Variants in NUP210 observed in about 807,000 individuals in gnomAD.
The protein encoded by NUP210 is nuclear pore membrane glycoprotein 210.
In NUP210, 151 loss-of-function variants were observed where a neutral mutation model predicts 196.0. That is an observed-to-expected ratio of 0.77 (90% CI 0.67 to 0.88). NUP210 has a LOEUF of 0.88. NUP210 is among the 40% of genes least tolerant of loss of function. The pLI is 0.00. For missense variants in NUP210, 2,314 were observed against 2,493.7 expected (o/e 0.93, Z 1.53); for synonymous variants, 1,070 against 1,052.7 (o/e 1.02, Z -0.32).
chr3:13,379,678 G>A lies in NUP210; in HGVS notation c.861C>T (p.Asn287=). The A allele has an allele frequency of 6.2e-7, 1 of 1,613,552 alleles. No individual in the cohort carries two copies. ...GGTCTCCTTCGGGGCCCGGGATGCT[G>A]TTCTGAAGCTGCAACTCGTACTGAT... ...PSDQYELQLQ[N]SIPGPEGDPA... is the part of the protein sequence containing the mutation. The change falls in exon 7 of 40, where the codon AAC becomes AAT. Residue 287 remains asparagine, a synonymous_variant. Transcript: ENST00000254508. The surrounding 1 kb of genome is among the most constrained non-coding windows in gnomAD (Gnocchi z 4.2).
intron 35 of NUP210, 83 bp from the exon 36 acceptor site, chr3:13,321,918 G>A: frequency 1.3e-6 from 2 of 1,536,298 alleles, no homozygotes; most frequent in Non-Finnish European, 1.8e-6. Context: ...CTCTAACCAG[G>A]GGATTCCTAT....
In NUP210 at chr3:13,375,540, C is replaced by A. The variant is rs1418672448; in HGVS notation, c.1395G>T (p.Trp465Cys). 1.2e-5 allele frequency: 20 copies of A among 1,613,964 alleles called. No homozygotes were observed. In the Admixed American group the frequency reaches 3.0e-4, roughly 24 times the overall value. Reference protein sequence around the residue: ...TLYPSILTFPWQPKTGAYQYT... With the variant: ...TLYPSILTFPCQPKTGAYQYT... Reference sequence around the variant, plus strand: ...ACTGATAGGCGCCCGTCTTTGGTTGCCACGGAAATGTCAAGATGCTGGGAT... The same window carrying A: ...ACTGATAGGCGCCCGTCTTTGGTTGACACGGAAATGTCAAGATGCTGGGAT... Residue 465 changes from tryptophan to cysteine, a missense_variant, in exon 11 of 40, where the codon TGG becomes TGT. Coordinates refer to ENST00000254508, the MANE Select transcript of NUP210 (RefSeq NM_024923.4).
At chr3:13,375,680 C>T (rs774142859) in intron 10 of NUP210, 39 bp from the exon 11 acceptor site, 2 of 1,595,528 alleles carry the variant, frequency 1.3e-6, no homozygotes, top group South Asian at 1.1e-5. Context: ...CCATGACAAC[C>T]ATGTCATCAT....
chr3:13,343,342 G>GGGGCC, intron 20 of NUP210, 39 bp from the exon 21 acceptor site: 4 of 655,988 alleles, frequency 6.1e-6, no homozygotes, highest in Non-Finnish European at 1.0e-5. Context: ...TGGGTGGTGG[G>GGGGCC]TTACGCAGCT....
rs1030191487 is a variant in NUP210, at chr3:13,340,618, C to A, written c.3229-320G>T. On this transcript the variant is annotated intron_variant, in intron 23 of 39. Coordinates refer to ENST00000254508, the MANE Select transcript of NUP210 (RefSeq NM_024923.4). This position sits in a 1 kb window ranked among gnomAD's most constrained non-coding sequence, Gnocchi z 4.0. ...CAGTTGAGCCATCCCCTTAGAGCAG[C>A]GGTTCTCAGTGTGTGGTCACTAAGC... Among the ~76,000 whole-genome samples, 1 of 152,172 alleles carries A rather than the reference C, an allele frequency of 6.6e-6. No individual in the cohort carries two copies.
At position 13,344,959 on chromosome 3, in the gene NUP210, T is replaced by A. The variant is rs889618870; in HGVS notation, c.2836-1656A>T. 15 of 985,280 alleles carry A rather than the reference T, an allele frequency of 1.5e-5. No individual in the cohort carries two copies. The African/African-American group carries it at 2.4e-4, about 16-fold the overall frequency. 61.0% of individuals were successfully genotyped at this position (985,280 alleles called of 1,614,324 possible). ...AGCTCCTCCAGCACCTCTTCTCCCC[T>A]CTTCTGGGGGCTGGTCCTGCCGGGT... On this transcript the variant is annotated intron_variant, in intron 20 of 39. Transcript: ENST00000254508.
chr3:13,325,710 G>A (rs540362833), intron 33 of NUP210, 85 bp downstream of exon 33: 1 of 1,521,464 alleles, frequency 6.6e-7, no homozygotes, highest in East Asian at 2.3e-5. Flanking sequence ...TCCCTAAAAG[G>A]AAAAGTCTTC....
intron 1 of NUP210, among the ~76,000 whole-genome samples, chr3:13,412,231 C>CTTTTCTT (rs1553605358): frequency 9.5e-6 from 1 of 104,790 alleles, no homozygotes; most frequent in African/African-American, 5.2e-5. Context: ...TTTTCCTTTT[C>CTTTTCTT]TTTTTTTTTT....
chr3:13,411,065 A>T (rs1260288871), intron 1 of NUP210, among the ~76,000 whole-genome samples: 1 of 151,870 alleles, frequency 6.6e-6, no homozygotes, highest in Non-Finnish European at 1.5e-5. Flanking sequence ...TAATAATAAT[A>T]AATAAAAATT....
rs148248772 is a variant in NUP210, at chr3:13,333,446, C to T, written c.3844-1062G>A. ...AGCCCTGGGCCATGGCCAATATCAT[C>T]GGATCTGACGAGTGATTCTCTGAGA... On this transcript the variant is annotated intron_variant, in intron 28 of 39. Transcript: ENST00000254508. Among the ~76,000 whole-genome samples, 53 of 152,320 alleles carry T rather than the reference C, an allele frequency of 3.5e-4. 1 individual carries two copies. The East Asian group carries it at 9.7e-3, about 28-fold the overall frequency.
chr3:13,409,962 G>C (rs776019915), intron 1 of NUP210, among the ~76,000 whole-genome samples: 3 of 150,864 alleles, frequency 2.0e-5, no homozygotes, highest in South Asian at 2.1e-4. Context: ...TCAGCCTCCC[G>C]AGCAGCTGGG....
At position 13,323,518 on chromosome 3, in the gene NUP210, T is replaced by C. The variant is rs1168894801; in HGVS notation, c.4645-86A>G. The C allele has an allele frequency of 5.5e-6, 8 of 1,456,230 alleles. No individual in the cohort carries two copies. The highest frequency in any genetic ancestry group is 3.8e-5 in the Admixed American group (2 of 52,982). 90.2% of individuals were successfully genotyped at this position (1,456,230 alleles called of 1,614,324 possible). The stretch of plus-strand genomic sequence containing the variant: ...GTTTCCACAACCTCACCCTGCAGTC[T>C]GTGACATAGTGTCACCCGTTTCACA... On this transcript the variant is annotated intron_variant, in intron 33 of 39. Transcript: ENST00000254508. This position sits in a 1 kb window ranked among gnomAD's most constrained non-coding sequence, Gnocchi z 4.3.
At chr3:13,358,529 G>T in intron 15 of NUP210, 134 bp from the exon 16 acceptor site, 1 of 835,448 alleles carries the variant, frequency 1.2e-6, no homozygotes, top group Non-Finnish European at 1.8e-6. Context: ...CGATACCCAT[G>T]CCACAGGGTC....
chr3:13,339,426 T>C (rs927144418), intron 25 of NUP210, among the ~76,000 whole-genome samples: 1 of 152,214 alleles, frequency 6.6e-6, no homozygotes, highest in Non-Finnish European at 1.5e-5. Context: ...CCTTCCGAGA[T>C]GCTTCTGCAA....
chr3:13,361,747 T>C, intron 14 of NUP210, among the ~76,000 whole-genome samples: 1 of 152,168 alleles, frequency 6.6e-6, no homozygotes, highest in Admixed American at 6.5e-5. Context: ...CTGTCCCTTG[T>C]GCATTAAACT....
At position 13,371,946 on chromosome 3, in the gene NUP210, C is replaced by A; in HGVS notation, c.1674G>T (p.Arg558Ser). The A allele has an allele frequency of 6.2e-7, 1 of 1,605,924 alleles. No homozygotes were observed. Among genetic ancestry groups the A allele is most frequent in the South Asian group, 1.1e-5 (1 of 89,478 alleles). Residue 558 changes from arginine (R) to serine (S), a missense_variant, in exon 13 of 40, where the codon AGG (arginine) becomes AGT (serine). Coordinates refer to ENST00000254508, the MANE Select transcript of NUP210 (RefSeq NM_024923.4). ...RVGQALELPLRISGLMPGGAS... is the reference protein window; with the variant it reads ...RVGQALELPLSISGLMPGGAS... ...CCCCGCCGGGCATGAGGCCACTGAT[C>A]CTCAGGGGCAGCTCCAGGGCCTGGC...
chr3:13,353,543 C>T lies in NUP210; in HGVS notation c.2628+11G>A, dbSNP rs1698055524. 6.2e-7 allele frequency: 1 copy of T among 1,609,884 alleles called. No homozygotes were observed. The highest frequency in any genetic ancestry group is 8.5e-7 in the Non-Finnish European group (1 of 1,176,190). On this transcript the variant is annotated intron_variant, in intron 18 of 39. Coordinates refer to ENST00000254508, the MANE Select transcript of NUP210 (RefSeq NM_024923.4). ...CCCATAGCCCACCCACCACTGGGCC[C>T]TGGGAGATACCGGCTGCTTTGTTCT...
chr3:13,365,296 G>A (rs541182624), intron 14 of NUP210, among the ~76,000 whole-genome samples: 2 of 152,180 alleles, frequency 1.3e-5, no homozygotes, highest in Admixed American at 6.5e-5. Context: ...TCCTCATCAC[G>A]ACCCCATGAG....
Position 13,323,461 on chromosome 3 carries a change from G to T in NUP210, c.4645-29C>A. 6.2e-7 allele frequency: 1 copy of T among 1,613,064 alleles called. No homozygotes were observed. The highest frequency in any genetic ancestry group is 1.1e-5 in the South Asian group (1 of 91,022). The stretch of plus-strand genomic sequence containing the variant: ...GAGAGGGAGCCAAGGAAGCTTCATG[G>T]AGCGCCGCCTGTGTCCCGGTCCATG... On this transcript the variant is annotated intron_variant, in intron 33 of 39. Coordinates refer to ENST00000254508, the MANE Select transcript of NUP210 (RefSeq NM_024923.4). This position sits in a 1 kb window ranked among gnomAD's most constrained non-coding sequence, Gnocchi z 4.3.
Sources: allele counts gnomAD v4.1 joint callset (sites outside exome capture counted in the v4.1 genomes callset), GRCh38; gene constraint gnomAD v4.1.1; non-coding constraint Gnocchi (gnomAD v3.1); transcripts MANE v1.5; gene names NCBI Gene and HGNC (gene_info 2026-07-23, HGNC 2026-07-21).